CRIPT: variants seen among roughly 807,000 people sequenced by gnomAD.
CRIPT encodes the protein CXXC repeat containing interactor of PDZ3 domain.
A neutral mutation model predicts 16.6 loss-of-function variants in CRIPT; 20 were observed. The observed-to-expected ratio is 1.20, with a 90% CI of 0.85 to 1.75. The LOEUF is 1.75. CRIPT is among the 40% of genes most tolerant of loss of function. The pLI, the probability that CRIPT is intolerant of heterozygous loss-of-function variation, is 0.00. For missense variants in CRIPT, 133 were observed against 115.3 expected, an observed-to-expected ratio of 1.15 and a Z score of -0.70; for synonymous variants, 42 against 37.0, an observed-to-expected ratio of 1.14 and a Z score of -0.49.
intron 3 of CRIPT, among the ~76,000 whole-genome samples, chr2:46,621,076 G>A (rs965335120): frequency 6.6e-5 from 10 of 152,160 alleles, no homozygotes; most frequent in African/African-American, 2.4e-4. Flanking sequence ...ACTTGGAACT[G>A]TAATAACTAT....
In CRIPT at chr2:46,626,179, G is replaced by A. The variant is rs1295920050; in HGVS notation, c.*1952G>A. Among the ~76,000 whole-genome samples the A allele has an allele frequency of 6.6e-6, 1 of 152,106 alleles. No individual in the cohort carries two copies. Among genetic ancestry groups the A allele is most frequent in the Non-Finnish European group, 1.5e-5 (1 of 68,020 alleles). ...TTGCTTAGTTCCCACTGATAAGTGA[G>A]AACATGCGGTCTTTGGTTTTCTGTT... is the stretch of plus-strand genomic sequence containing the variant. On this transcript the variant is annotated 3_prime_UTR_variant, in exon 5 of 5. Coordinates refer to ENST00000238892, the MANE Select transcript of CRIPT (RefSeq NM_014171.6).
Position 46,624,668 on chromosome 2 carries a change from G to A in CRIPT, c.*441G>A, listed in dbSNP as rs772588221. ...ATCAGCAGCCTCTTAACTAATTGCGGTTTCATAGGATATATAAATGTTTCA... is the reference window on the plus strand; with the variant it reads ...ATCAGCAGCCTCTTAACTAATTGCGATTTCATAGGATATATAAATGTTTCA... On this transcript the variant is annotated 3_prime_UTR_variant, in exon 5 of 5. Transcript: ENST00000238892. The A allele has an allele frequency of 2.6e-5, 4 of 152,312 alleles. No individual in the cohort carries two copies. Among genetic ancestry groups the A allele is most frequent in the Non-Finnish European group, 5.9e-5 (4 of 68,170 alleles). The allele number at this position is 152,312 out of a possible 1,614,324, so 9.4% of individuals were successfully genotyped here.
Position 46,623,775 on chromosome 2 carries a change from A to G in CRIPT, c.149A>G (p.Tyr50Cys), listed in dbSNP as rs577929077. 3.2e-5 allele frequency: 51 copies of G among 1,600,728 alleles called. No individual in the cohort carries two copies. In the East Asian group the frequency reaches 7.4e-4, roughly 23 times the overall value. The part of the protein sequence containing the change: ...LTSKKARFDP[Y>C]GKNKFSTCRI... Reference sequence around the variant, plus strand: ...AAAAAAATTTCTAGATTTGATCCATATGGAAAGAATAAGTTCTCCACTTGT... The same window carrying G: ...AAAAAAATTTCTAGATTTGATCCATGTGGAAAGAATAAGTTCTCCACTTGT... The change falls in exon 4 of 5, where the codon TAT becomes TGT. Residue 50 changes from tyrosine to cysteine, a missense_variant. By Grantham distance (194) the Tyr-to-Cys change is radical. Coordinates refer to ENST00000238892, the MANE Select transcript of CRIPT (RefSeq NM_014171.6).
At position 46,627,196 on chromosome 2, in the gene CRIPT, C is replaced by A. The variant is rs1670958383; in HGVS notation, c.*2969C>A. On this transcript the variant is annotated 3_prime_UTR_variant, in exon 5 of 5. Coordinates refer to ENST00000238892, the MANE Select transcript of CRIPT (RefSeq NM_014171.6). ...TCCTTATAGATTTTGGACATTAGACCTTTTTCAGATGCACAGTTTGTGAAT... is the reference window on the plus strand; with the variant it reads ...TCCTTATAGATTTTGGACATTAGACATTTTTCAGATGCACAGTTTGTGAAT... Among the ~76,000 whole-genome samples the A allele has an allele frequency of 6.6e-6, 1 of 152,072 alleles. No individual in the cohort carries two copies. Among genetic ancestry groups the A allele is most frequent in the Non-Finnish European group, 1.5e-5 (1 of 67,986 alleles).
chr2:46,619,333 CTA>C lies in CRIPT; in HGVS notation c.83-292_83-291del, dbSNP rs1670748798. On this transcript the variant is annotated intron_variant, in intron 2 of 4. Transcript: ENST00000238892. ...TAAACATTTTCATTATATTCAAGGT[CTA>C]TGACACTGATATAGTGGCTTCTAGA... Among the ~76,000 whole-genome samples the C allele has an allele frequency of 2.0e-5, 3 of 151,990 alleles. No individual in the cohort carries two copies. In the South Asian group the frequency reaches 6.2e-4, roughly 32 times the overall value.
In CRIPT at chr2:46,625,793, G is replaced by A. The variant is rs1039552550; in HGVS notation, c.*1566G>A. ...GTTTGGGGTTTTTAATTATAACACA[G>A]GAAACTCATAACAGGACCTGGTCAG... On this transcript the variant is annotated 3_prime_UTR_variant, in exon 5 of 5. Transcript: ENST00000238892. 6.6e-6 allele frequency: 1 copy of A among 152,028 alleles called. No homozygotes were observed. Among genetic ancestry groups the A allele is most frequent in the Non-Finnish European group, 1.5e-5 (1 of 68,036 alleles). 9.4% of individuals were successfully genotyped at this position (152,028 alleles called of 1,614,324 possible). A position where few individuals can be genotyped will look rare whatever the true frequency, so the allele number is the denominator to read the frequency against.
At position 46,624,481 on chromosome 2, in the gene CRIPT, G is replaced by C. The variant is rs1033449216; in HGVS notation, c.*254G>C. ...TTCCATGAAAATATTTCTCAGTTCT[G>C]TATGCACTTTTATTTAACATTATTC... On this transcript the variant is annotated 3_prime_UTR_variant, in exon 5 of 5. Coordinates refer to ENST00000238892, the MANE Select transcript of CRIPT (RefSeq NM_014171.6). 2 of 284,572 alleles carry C rather than the reference G, an allele frequency of 7.0e-6. No individual in the cohort carries two copies. Among genetic ancestry groups the C allele is most frequent in the African/African-American group, 4.4e-5 (2 of 45,860 alleles). 17.6% of individuals were successfully genotyped at this position (284,572 alleles called of 1,614,324 possible). A position where few individuals can be genotyped will look rare whatever the true frequency, so the allele number is the denominator to read the frequency against.
rs1050160231 is a variant in CRIPT, at chr2:46,629,467, A to C, written c.*5240A>C. ...GTAATTTTTTTCAGCTCCACGATCCAGCCTAGGATCATATGTTGTATTGCC... is the reference window on the plus strand; with the variant it reads ...GTAATTTTTTTCAGCTCCACGATCCCGCCTAGGATCATATGTTGTATTGCC... On this transcript the variant is annotated 3_prime_UTR_variant, in exon 5 of 5. Transcript: ENST00000238892. Among the ~76,000 whole-genome samples the C allele has an allele frequency of 2.6e-5, 4 of 152,188 alleles. No homozygotes were observed. The highest frequency in any genetic ancestry group is 9.7e-5 in the African/African-American group (4 of 41,438).
chr2:46,625,048 C>A lies in CRIPT; in HGVS notation c.*821C>A. ...GAAATAAATAGAGCAAACATCTTGA[C>A]TCTCCCTTTTTAAAATTTGTTTGTT... On this transcript the variant is annotated 3_prime_UTR_variant, in exon 5 of 5. Transcript: ENST00000238892. 1 of 143,074 alleles carries A rather than the reference C, an allele frequency of 7.0e-6. No individual in the cohort carries two copies. Among genetic ancestry groups the A allele is most frequent in the African/African-American group, 2.6e-5 (1 of 38,206 alleles). 8.9% of individuals were successfully genotyped at this position (143,074 alleles called of 1,614,324 possible).
At chr2:46,618,932 G>C in intron 2 of CRIPT, 94 bp downstream of exon 2, 1 of 775,654 alleles carries the variant, frequency 1.3e-6, no homozygotes, top group East Asian at 2.7e-5. Context: ...AATGTTATGT[G>C]TTCAAAGTAT....
In CRIPT at chr2:46,629,366, A is replaced by C. The variant is rs1671018095; in HGVS notation, c.*5139A>C. On this transcript the variant is annotated 3_prime_UTR_variant, in exon 5 of 5. Coordinates refer to ENST00000238892, the MANE Select transcript of CRIPT (RefSeq NM_014171.6). The stretch of plus-strand genomic sequence containing the variant: ...CAAGCATGCTGTCTTACCCAAGTAC[A>C]GCTATCAAGTTCAGAAATTTAACAT... Among the ~76,000 whole-genome samples, 2 of 152,226 alleles carry C rather than the reference A, an allele frequency of 1.3e-5. No individual in the cohort carries two copies. The highest frequency in any genetic ancestry group is 4.1e-4 in the South Asian group (2 of 4,836).
chr2:46,619,666 C>T lies in CRIPT; in HGVS notation c.122C>T (p.Thr41Ile). 6.2e-7 allele frequency: 1 copy of T among 1,611,148 alleles called. No individual in the cohort carries two copies. The highest frequency in any genetic ancestry group is 8.5e-7 in the Non-Finnish European group (1 of 1,178,600). Residue 41 changes from threonine to isoleucine, a missense_variant, in exon 3 of 5, where the codon ACT (threonine) becomes ATT (isoleucine). Transcript: ENST00000238892. ...GRKLNENKAL[T>I]SKKARFDPYG... ...AAGCTGAATGAAAATAAAGCTTTGA[C>T]TTCAAAAAAAGCAAGGTGGGTAAGA...
rs373622694 is a variant in CRIPT at position 46,629,748 on chromosome 2, G to C, written c.*5521G>C. Reference sequence around the variant, plus strand: ...ATGCTAATTTTGATCACTTGGGTAAGATGTCCAGTTTCTCCAGTGTATCGT... The same window carrying C: ...ATGCTAATTTTGATCACTTGGGTAACATGTCCAGTTTCTCCAGTGTATCGT... On this transcript the variant is annotated 3_prime_UTR_variant, in exon 5 of 5. Transcript: ENST00000238892. 1.3e-5 allele frequency among the ~76,000 whole-genome samples: 2 copies of C among 152,316 alleles called. No homozygotes were observed. The highest frequency in any genetic ancestry group is 3.9e-4 in the East Asian group (2 of 5,192).
intron 3 of CRIPT, among the ~76,000 whole-genome samples, chr2:46,623,365 C>A (rs1670856974): frequency 6.6e-6 from 1 of 152,108 alleles, no homozygotes; most frequent in South Asian, 2.1e-4. Flanking sequence ...GTTGTCTTAC[C>A]CATACCTAAT....
rs1441458597 is a variant in CRIPT, at chr2:46,623,785, T to C, written c.159T>C (p.Asn53=). 1.2e-6 allele frequency: 2 copies of C among 1,606,658 alleles called. No homozygotes were observed. The highest frequency in any genetic ancestry group is 1.7e-6 in the Non-Finnish European group (2 of 1,175,318). The part of the protein sequence containing the change: ...KKARFDPYGK[N]KFSTCRICKS... ...CTAGATTTGATCCATATGGAAAGAA[T>C]AAGTTCTCCACTTGTAGAATTTGTA... The change falls in exon 4 of 5, where the codon AAT becomes AAC. Residue 53 remains asparagine (N), a synonymous_variant. Coordinates refer to ENST00000238892, the MANE Select transcript of CRIPT (RefSeq NM_014171.6).
At chr2:46,621,364 G>T (rs781049997) in intron 3 of CRIPT, among the ~76,000 whole-genome samples, 2 of 152,154 alleles carry the variant, frequency 1.3e-5, no homozygotes, top group Admixed American at 6.6e-5. Flanking sequence ...ACTTGCTGCT[G>T]TCTCCTAGGA....
rs746415991 is a variant in CRIPT, at chr2:46,619,626, G to T, written c.83-1G>T. On this transcript the variant is annotated splice_acceptor_variant, in intron 2 of 4. Transcript: ENST00000238892. LOFTEE classifies it high-confidence loss of function. ...CTAAAATATCTTTTATTCTGATACAGAAAGTGGTGGAAGAAAGCTGAATGA... is the reference window on the plus strand; with the variant it reads ...CTAAAATATCTTTTATTCTGATACATAAAGTGGTGGAAGAAAGCTGAATGA... 1.2e-6 allele frequency: 2 copies of T among 1,607,198 alleles called. No individual in the cohort carries two copies. The highest frequency in any genetic ancestry group is 1.7e-6 in the Non-Finnish European group (2 of 1,175,084).
At position 46,623,803 on chromosome 2, in the gene CRIPT, A is replaced by G. The variant is rs1670869142; in HGVS notation, c.177A>G (p.Arg59=). The G allele has an allele frequency of 1.2e-6, 2 of 1,610,816 alleles. No individual in the cohort carries two copies. Among genetic ancestry groups the G allele is most frequent in the African/African-American group, 2.7e-5 (2 of 74,888 alleles). The change falls in exon 4 of 5, where the codon AGA becomes AGG. Residue 59 remains arginine (R), a synonymous_variant. Coordinates refer to ENST00000238892, the MANE Select transcript of CRIPT (RefSeq NM_014171.6). ...GAAAGAATAAGTTCTCCACTTGTAGAATTTGTAAAAGTTCTGTGCACCAAC... is the reference window on the plus strand; with the variant it reads ...GAAAGAATAAGTTCTCCACTTGTAGGATTTGTAAAAGTTCTGTGCACCAAC... ...PYGKNKFSTC[R]ICKSSVHQPG... is the part of the protein sequence containing the mutation.
intron 1 of CRIPT, among the ~76,000 whole-genome samples, chr2:46,618,001 T>G (rs542646772): frequency 3.9e-4 from 58 of 150,486 alleles, no homozygotes; most frequent in African/African-American, 1.3e-3. Flanking sequence ...TTTCTATGCC[T>G]TTCCTCAGAA....
Sources: gnomAD v4.1 joint callset for allele counts (sites outside exome capture counted in the v4.1 genomes callset) on GRCh38, gnomAD v4.1.1 for gene constraint, MANE v1.5 for transcripts, NCBI Gene and HGNC (gene_info 2026-07-23, HGNC 2026-07-21) for gene names.